CSMD1: variants seen among roughly 807,000 people sequenced by gnomAD.
The protein encoded by CSMD1 is CUB and sushi domain-containing protein 1.
CSMD1 carries 213 observed loss-of-function variants against 417.5 expected under a neutral mutation model. The ratio of observed to expected loss-of-function variants is 0.51; its 90% CI spans 0.46 to 0.57. CSMD1 has a LOEUF of 0.57. Ranked by LOEUF, CSMD1 falls within the 20% of genes least tolerant of loss-of-function variation. CSMD1 has a pLI of 0.00. For synonymous variants in CSMD1, 2,862 were observed against 1,736.8 expected, an observed-to-expected ratio of 1.65 and a Z score of -16.11; for missense variants, 6,923 against 4,529.7, an observed-to-expected ratio of 1.53 and a Z score of -15.17.
At chr8:3,684,578 T>G (rs918908185) in intron 7 of CSMD1, among the ~76,000 whole-genome samples, 11 of 150,342 alleles carry the variant, frequency 7.3e-5, no homozygotes, top group African/African-American at 2.4e-4. Flanking sequence ...TGAACCCAGT[T>G]GCAGATACTG....
At chr8:3,845,009 A>G (rs1012915180) in intron 5 of CSMD1, among the ~76,000 whole-genome samples, 3 of 152,212 alleles carry the variant, frequency 2.0e-5, no homozygotes, top group Non-Finnish European at 2.9e-5. Context: ...AAAGTTAACA[A>G]AGGTTATTGA....
chr8:3,729,253 G>A (rs546422436), intron 6 of CSMD1, among the ~76,000 whole-genome samples: 11 of 152,160 alleles, frequency 7.2e-5, no homozygotes, highest in African/African-American at 2.7e-4. Context: ...TTTAATGACT[G>A]ACGGCTTGCT....
intron 10 of CSMD1, among the ~76,000 whole-genome samples, chr8:3,505,152 G>A (rs1796770913): frequency 6.6e-6 from 1 of 152,140 alleles, no homozygotes; most frequent in Non-Finnish European, 1.5e-5. Flanking sequence ...TCTGCCCTCA[G>A]ATGTATGAAA....
At chr8:4,164,364 G>A (rs544067290) in intron 3 of CSMD1, among the ~76,000 whole-genome samples, 26 of 152,156 alleles carry the variant, frequency 1.7e-4, no homozygotes, top group Non-Finnish European at 2.8e-4. Context: ...GTCACACACT[G>A]TACTTGTTGG....
Position 4,303,420 on chromosome 8 carries a change from C to CTTTTTTTTTTTTTTTTTTTTTTT in CSMD1, c.415+116532_415+116533insAAAAAAAAAAAAAAAAAAAAAAA, listed in dbSNP as rs1563419612. ...TCTCATTTATATATTGGGCAGGAAGCTGTTTTTTTTTTTTTTTTTTTTTTT... is the reference window on the plus strand; with the variant it reads ...TCTCATTTATATATTGGGCAGGAAGCTTTTTTTTTTTTTTTTTTTTTTTTGTTTTTTTTTTTTTTTTTTTTTTT... On this transcript the variant is annotated intron_variant, in intron 3 of 69. Coordinates refer to ENST00000635120, the MANE Select transcript of CSMD1 (RefSeq NM_033225.6). Among the ~76,000 whole-genome samples, 5 of 92,318 alleles carry CTTTTTTTTTTTTTTTTTTTTTTT rather than the reference C, an allele frequency of 5.4e-5. 1 individual carries two copies. The highest frequency in any genetic ancestry group is 4.3e-5 in the African/African-American group (1 of 23,004). The allele number at this position is 92,318 out of a possible 152,430, so 60.6% of individuals were successfully genotyped here. A position where few individuals can be genotyped will look rare whatever the true frequency, so the allele number is the denominator to read the frequency against.
At chr8:4,311,141 G>A (rs68024807) in intron 3 of CSMD1, among the ~76,000 whole-genome samples, 95,036 of 151,982 alleles carry the variant, frequency 0.63, 30,676 homozygotes, top group East Asian at 0.86. Context: ...CAGCAATACC[G>A]TGACTGGCTG....
chr8:4,567,927 G>C (rs941313261), intron 2 of CSMD1, among the ~76,000 whole-genome samples: 4 of 152,042 alleles, frequency 2.6e-5, no homozygotes, highest in African/African-American at 9.7e-5. Flanking sequence ...ACCTGAAATT[G>C]CACTTTCTGT....
At chr8:4,963,814 A>G (rs1016690628) in intron 1 of CSMD1, among the ~76,000 whole-genome samples, 4 of 152,172 alleles carry the variant, frequency 2.6e-5, no homozygotes, top group African/African-American at 9.7e-5. Context: ...AATTATTGAA[A>G]TTTTCACTAA....
intron 1 of CSMD1, among the ~76,000 whole-genome samples, chr8:4,768,211 G>C (rs555914496): frequency 1.4e-4 from 22 of 152,206 alleles, no homozygotes; most frequent in Non-Finnish European, 2.1e-4. Flanking sequence ...TTTTATGTTG[G>C]AATGAGCTTC....
At chr8:3,302,187 G>T (rs718119) in intron 25 of CSMD1, among the ~76,000 whole-genome samples, 3 of 152,074 alleles carry the variant, frequency 2.0e-5, no homozygotes, top group Non-Finnish European at 4.4e-5. Flanking sequence ...TTGGGAACAC[G>T]TGATGAGCTC....
intron 9 of CSMD1, among the ~76,000 whole-genome samples, chr8:3,580,826 A>C (rs542298745): frequency 6.6e-6 from 1 of 152,324 alleles, no homozygotes; most frequent in East Asian, 1.9e-4. Context: ...TGATCTTCTT[A>C]TTACTCTTTA....
intron 8 of CSMD1, among the ~76,000 whole-genome samples, chr8:3,614,509 A>C (rs191023406): frequency 3.9e-5 from 6 of 152,228 alleles, no homozygotes; most frequent in African/African-American, 1.2e-4. Context: ...TGTGCTAAGA[A>C]GACATTGGCC....
intron 26 of CSMD1, among the ~76,000 whole-genome samples, chr8:3,270,252 A>G (rs1156728538): frequency 6.6e-6 from 1 of 151,850 alleles, no homozygotes; most frequent in African/African-American, 2.4e-5. Context: ...GAGATGGGGT[A>G]TCACCATGTT....
At chr8:4,281,101 G>A (rs1273499496) in intron 3 of CSMD1, among the ~76,000 whole-genome samples, 3 of 152,212 alleles carry the variant, frequency 2.0e-5, no homozygotes, top group African/African-American at 7.2e-5. Flanking sequence ...GTACCAGGAT[G>A]GTATGAGGCC....
At chr8:4,725,159 G>A (rs1021041736) in intron 1 of CSMD1, among the ~76,000 whole-genome samples, 2 of 152,038 alleles carry the variant, frequency 1.3e-5, no homozygotes, top group Non-Finnish European at 1.5e-5. Context: ...CTTTTATAAA[G>A]AATACATTAA....
At chr8:4,690,527 AATCT>A (rs745889326) in intron 1 of CSMD1, among the ~76,000 whole-genome samples, 5 of 152,200 alleles carry the variant, frequency 3.3e-5, no homozygotes, top group Non-Finnish European at 7.3e-5. Context: ...TTTCCTGGAA[AATCT>A]ATCTGTCATG....
intron 25 of CSMD1, among the ~76,000 whole-genome samples, chr8:3,300,280 G>GA (rs957783931): frequency 6.6e-6 from 1 of 151,760 alleles, no homozygotes; most frequent in Non-Finnish European, 1.5e-5. Context: ...TATTTGCATA[G>GA]AAAAAATTTT....
chr8:4,835,992 C>T (rs1294110644), intron 1 of CSMD1, among the ~76,000 whole-genome samples: 1 of 151,950 alleles, frequency 6.6e-6, no homozygotes, highest in African/African-American at 2.4e-5. Context: ...GTAAAATATC[C>T]TACCAGATTC....
At chr8:3,992,716 G>A (rs936145266) in intron 5 of CSMD1, among the ~76,000 whole-genome samples, 1 of 152,198 alleles carries the variant, frequency 6.6e-6, no homozygotes, top group African/African-American at 2.4e-5. Context: ...AGGAGTTTGA[G>A]GCTACAGTGA....
Sources: allele counts gnomAD v4.1 joint callset (sites outside exome capture counted in the v4.1 genomes callset), GRCh38; gene constraint gnomAD v4.1.1; transcripts MANE v1.5; gene names NCBI Gene and HGNC (gene_info 2026-07-23, HGNC 2026-07-21).